Variants in TSHZ3 observed in about 807,000 individuals in gnomAD.
TSHZ3 encodes the protein teashirt homolog 3.
In TSHZ3, 10 loss-of-function variants were observed where a neutral mutation model predicts 64.5. The observed-to-expected ratio is 0.16, with a 90% CI of 0.10 to 0.26. TSHZ3 has a LOEUF of 0.26. Among genes scored for constraint, TSHZ3 ranks in the 10% least tolerant of loss-of-function variants. TSHZ3 has a pLI of 1.00. For missense variants in TSHZ3, 1,242 were observed against 1,421.7 expected, an observed-to-expected ratio of 0.87 and a Z score of 2.03; for synonymous variants, 608 against 593.1, an observed-to-expected ratio of 1.03 and a Z score of -0.36.
chr19:31,213,385 A>AAAAAAAAAAC (rs1568349938), intron 4 of TSHZ3, among the ~76,000 whole-genome samples: 1 of 147,696 alleles, frequency 6.8e-6, no homozygotes, highest in Admixed American at 6.8e-5. Flanking sequence ...AAAAAAAAAA[A>AAAAAAAAAAC]AAAAAATCAG....
At chr19:31,230,239 A>G (rs1193013590) in intron 3 of TSHZ3, among the ~76,000 whole-genome samples, 1 of 152,216 alleles carries the variant, frequency 6.6e-6, no homozygotes, top group African/African-American at 2.4e-5. Context: ...GTGACTTCAG[A>G]AAAGGTTCAC....
chr19:31,167,487 G>A (rs987640576), intron 5 of TSHZ3: 5 of 152,172 alleles, frequency 3.3e-5, no homozygotes, highest in African/African-American at 1.2e-4. Flanking sequence ...GTTGAACACA[G>A]GCTGCCAGAA....
chr19:31,222,684 G>A (rs1975406992), intron 4 of TSHZ3, among the ~76,000 whole-genome samples: 1 of 152,148 alleles, frequency 6.6e-6, no homozygotes, highest in African/African-American at 2.4e-5. Flanking sequence ...TTCCTTCATA[G>A]GAGGTACTCG....
chr19:31,183,919 T>C (rs1275237006), intron 5 of TSHZ3, among the ~76,000 whole-genome samples: 1 of 152,182 alleles, frequency 6.6e-6, no homozygotes, highest in Admixed American at 6.5e-5. Flanking sequence ...CTCTCATTGC[T>C]CAAGAAATTG....
At chr19:31,321,543 A>G (rs1234086248) in intron 1 of TSHZ3, among the ~76,000 whole-genome samples, 5 of 152,202 alleles carry the variant, frequency 3.3e-5, no homozygotes, top group Non-Finnish European at 7.3e-5. Flanking sequence ...AGGTGTCTGC[A>G]TACGGCAGAC....
chr19:31,269,512 T>C (rs1261560144), intron 1 of TSHZ3, among the ~76,000 whole-genome samples: 3 of 151,862 alleles, frequency 2.0e-5, no homozygotes, highest in Admixed American at 1.3e-4. Flanking sequence ...GACACAGGTA[T>C]GGCCACGGAC....
At chr19:31,224,219 C>G (rs1446448123) in intron 4 of TSHZ3, among the ~76,000 whole-genome samples, 1 of 152,200 alleles carries the variant, frequency 6.6e-6, no homozygotes, top group Non-Finnish European at 1.5e-5. Context: ...GCTGTATGCA[C>G]TCTACTTTCT....
rs143762494 is a variant in TSHZ3, at chr19:31,179,904, C to T, written n.810-23487G>A. On this transcript the variant is annotated intron_variant and non_coding_transcript_variant, in intron 5 of 6. Transcript: ENST00000651361. ...TTTATTGAGCTCATATAGTGCCACT[C>T]AGCGTTCTAAGGGCTCTCAACCTTC... is the stretch of plus-strand genomic sequence containing the variant. 2.3e-4 allele frequency among the ~76,000 whole-genome samples: 35 copies of T among 151,966 alleles called. No homozygotes were observed. In the East Asian group the frequency reaches 6.8e-3, roughly 30 times the overall value.
intron 1 of TSHZ3, among the ~76,000 whole-genome samples, chr19:31,322,936 ATT>A: frequency 6.6e-6 from 1 of 152,250 alleles, no homozygotes; most frequent in East Asian, 1.9e-4. Flanking sequence ...ATTGATGAAA[ATT>A]TGGAAAATAA....
intron 1 of TSHZ3, among the ~76,000 whole-genome samples, chr19:31,314,243 C>T (rs1916542034): frequency 6.6e-6 from 1 of 152,220 alleles, no homozygotes; most frequent in Non-Finnish European, 1.5e-5. Context: ...TGAGGCCAGG[C>T]CCCAGCCATG....
intron 1 of TSHZ3, among the ~76,000 whole-genome samples, chr19:31,242,991 C>T (rs1975714971): frequency 6.6e-6 from 1 of 152,070 alleles, no homozygotes; most frequent in Admixed American, 6.6e-5. Context: ...TCTCAGTCCA[C>T]CAATTCACCC....
At chr19:31,334,061 C>T (rs935781160) in intron 1 of TSHZ3, among the ~76,000 whole-genome samples, 11 of 152,160 alleles carry the variant, frequency 7.2e-5, no homozygotes, top group African/African-American at 2.4e-4. Flanking sequence ...GCTCTAAGAA[C>T]CAAGAACATG....
intron 1 of TSHZ3, among the ~76,000 whole-genome samples, chr19:31,313,585 C>A (rs1362142169): frequency 6.6e-6 from 1 of 152,324 alleles, no homozygotes; most frequent in African/African-American, 2.4e-5. Context: ...TATGCCAGTG[C>A]CTCTGTGAGG....
intron 4 of TSHZ3, among the ~76,000 whole-genome samples, chr19:31,209,687 A>ATC (rs1294433884): frequency 2.6e-5 from 4 of 152,224 alleles, no homozygotes; most frequent in African/African-American, 9.6e-5. Flanking sequence ...CTAGGAAAGC[A>ATC]TCATGGGAGA....
chr19:31,163,507 G>A (rs992257889), intron 5 of TSHZ3, among the ~76,000 whole-genome samples: 7 of 152,122 alleles, frequency 4.6e-5, no homozygotes, highest in South Asian at 4.1e-4. Context: ...CGAGGTGGGC[G>A]GATCACTTGA....
intron 1 of TSHZ3, among the ~76,000 whole-genome samples, chr19:31,329,189 T>G (rs1334465607): frequency 1.3e-5 from 2 of 152,182 alleles, no homozygotes. Context: ...CTACCCAAAC[T>G]TAAGAGAAAG....
At position 31,278,732 on chromosome 19, in the gene TSHZ3, T is replaced by C. The variant is rs772311820; in HGVS notation, c.1061A>G (p.Lys354Arg). The C allele has an allele frequency of 1.8e-5, 29 of 1,614,074 alleles. No homozygotes were observed. In the East Asian group the frequency reaches 6.5e-4, roughly 36 times the overall value. Residue 354 changes from lysine to arginine, a missense_variant, in exon 2 of 2, where the codon AAG becomes AGG. Coordinates refer to ENST00000240587, the MANE Select transcript of TSHZ3 (RefSeq NM_020856.4). This position sits in a 1 kb window ranked among gnomAD's most constrained non-coding sequence, Gnocchi z 4.7. ...TISDTNDALQKNSNPYITPNN... is the reference protein window; with the variant it reads ...TISDTNDALQRNSNPYITPNN... ...TGGCGTGATGTAAGGGTTGGAGTTCTTCTGAAGTGCATCGTTGGTGTCTGA... is the reference window on the plus strand; with the variant it reads ...TGGCGTGATGTAAGGGTTGGAGTTCCTCTGAAGTGCATCGTTGGTGTCTGA...
At chr19:31,175,594 G>A (rs1384128061) in intron 5 of TSHZ3, among the ~76,000 whole-genome samples, 1 of 152,200 alleles carries the variant, frequency 6.6e-6, no homozygotes, top group Non-Finnish European at 1.5e-5. Flanking sequence ...GTGACATGAA[G>A]GACAAGGTTC....
At chr19:31,317,427 C>A (rs758373351) in intron 1 of TSHZ3, among the ~76,000 whole-genome samples, 6 of 152,188 alleles carry the variant, frequency 3.9e-5, no homozygotes, top group Non-Finnish European at 7.3e-5. Flanking sequence ...CTGGCTGCAC[C>A]ATACAACCCA....
Sources: gnomAD v4.1 joint callset for allele counts (sites outside exome capture counted in the v4.1 genomes callset) on GRCh38, gnomAD v4.1.1 for gene constraint, Gnocchi (gnomAD v3.1) non-coding constraint, MANE v1.5 for transcripts, NCBI Gene and HGNC (gene_info 2026-07-23, HGNC 2026-07-21) for gene names.